Variants in RNF180 observed in about 807,000 individuals in gnomAD.
The protein encoded by RNF180 is ring finger protein 180.
Under a neutral mutation model 59.2 loss-of-function variants are expected in RNF180, and 38 were observed. The ratio of observed to expected loss-of-function variants is 0.64; its 90% CI spans 0.50 to 0.84. The LOEUF (loss-of-function observed/expected upper bound fraction) is 0.84. Ranked by LOEUF, RNF180 falls within the 40% of genes least tolerant of loss-of-function variation. The probability of loss-of-function intolerance (pLI) is 0.00; values close to 1 mark genes in which losing one functional copy is unlikely to be tolerated. For synonymous variants in RNF180, 262 were observed against 240.3 expected, an observed-to-expected ratio of 1.09 and a Z score of -0.84; for missense variants, 705 against 700.9, an observed-to-expected ratio of 1.01 and a Z score of -0.07.
chr5:64,215,594 T>A (rs1752578483), intron 4 of RNF180, among the ~76,000 whole-genome samples: 3 of 152,148 alleles, frequency 2.0e-5, no homozygotes, highest in African/African-American at 7.2e-5. Context: ...TCAAAGTATA[T>A]ATTACAGAAT....
intron 5 of RNF180, among the ~76,000 whole-genome samples, chr5:64,295,897 A>G (rs1742860734): frequency 6.6e-6 from 1 of 152,158 alleles, no homozygotes; most frequent in Non-Finnish European, 1.5e-5. Flanking sequence ...TAAACATAAT[A>G]TTCATGATTC....
intron 2 of RNF180, 40 bp downstream of exon 2, chr5:64,200,982 G>T (rs758589883): frequency 1.3e-6 from 2 of 1,577,752 alleles, no homozygotes; most frequent in African/African-American, 2.7e-5. Context: ...TCCTGGTAGA[G>T]GAGTGCTGTG....
At chr5:64,364,025 C>T (rs1019098467) in intron 7 of RNF180, among the ~76,000 whole-genome samples, 3 of 151,808 alleles carry the variant, frequency 2.0e-5, no homozygotes, top group Non-Finnish European at 4.4e-5. Context: ...ATCATGTTGT[C>T]TGCAAACAGG....
At chr5:64,168,074 T>G (rs906592091) in intron 1 of RNF180, among the ~76,000 whole-genome samples, 7 of 152,194 alleles carry the variant, frequency 4.6e-5, no homozygotes, top group African/African-American at 1.7e-4. Context: ...CTTATTCCAG[T>G]AGTGCTGCTG....
chr5:64,350,940 G>C (rs1405403235), intron 7 of RNF180, among the ~76,000 whole-genome samples: 2 of 152,040 alleles, frequency 1.3e-5, no homozygotes, highest in Non-Finnish European at 2.9e-5. Context: ...TTCCAATTCT[G>C]TGAAGAAAGT....
intron 7 of RNF180, among the ~76,000 whole-genome samples, chr5:64,354,359 A>G (rs896578802): frequency 6.6e-6 from 1 of 151,878 alleles, no homozygotes; most frequent in Non-Finnish European, 1.5e-5. Context: ...AAGTAAATGC[A>G]CAAATTTATA....
intron 1 of RNF180, among the ~76,000 whole-genome samples, chr5:64,189,462 A>G (rs963596593): frequency 6.6e-6 from 1 of 152,176 alleles, no homozygotes; most frequent in Admixed American, 6.5e-5. Flanking sequence ...AGTCCTTGTT[A>G]TAAAGTGGCA....
At chr5:64,318,317 C>T (rs1378792175) in intron 5 of RNF180, among the ~76,000 whole-genome samples, 1 of 152,096 alleles carries the variant, frequency 6.6e-6, no homozygotes, top group African/African-American at 2.4e-5. Flanking sequence ...ATAACTGAGA[C>T]ATGTATGAAA....
intron 1 of RNF180, among the ~76,000 whole-genome samples, chr5:64,176,567 G>A (rs1018035691): frequency 3.9e-5 from 6 of 151,926 alleles, no homozygotes; most frequent in Non-Finnish European, 7.4e-5. Context: ...GAGAAATGAC[G>A]GCTGAGTTTC....
chr5:64,184,016 C>G (rs1036231691), intron 1 of RNF180, among the ~76,000 whole-genome samples: 4 of 152,136 alleles, frequency 2.6e-5, no homozygotes, highest in Non-Finnish European at 5.9e-5. Flanking sequence ...AGTGTGGGCC[C>G]TAATCCAATC....
chr5:64,294,326 G>A (rs1742772139), intron 5 of RNF180, among the ~76,000 whole-genome samples: 2 of 152,114 alleles, frequency 1.3e-5, no homozygotes, highest in Admixed American at 6.6e-5. Flanking sequence ...TTAAATGCAT[G>A]TATCAAAACA....
intron 1 of RNF180, among the ~76,000 whole-genome samples, chr5:64,196,253 CT>C (rs1751453161): frequency 1.3e-5 from 2 of 151,634 alleles, no homozygotes; most frequent in Non-Finnish European, 2.9e-5. Flanking sequence ...CTAGCATTAG[CT>C]AGGAGTCCTG....
At chr5:64,191,405 C>A (rs559985001) in intron 1 of RNF180, among the ~76,000 whole-genome samples, 7 of 152,136 alleles carry the variant, frequency 4.6e-5, no homozygotes, top group Non-Finnish European at 8.8e-5. Context: ...CAATATCATA[C>A]AGTATTGTTT....
chr5:64,317,408 C>G (rs1170674643), intron 5 of RNF180, among the ~76,000 whole-genome samples: 1 of 151,918 alleles, frequency 6.6e-6, no homozygotes, highest in Non-Finnish European at 1.5e-5. Context: ...TGAGCACATG[C>G]TATTAGGAGA....
At chr5:64,360,304 A>T (rs1746199441) in intron 7 of RNF180, among the ~76,000 whole-genome samples, 1 of 151,794 alleles carries the variant, frequency 6.6e-6, no homozygotes, top group African/African-American at 2.4e-5. Context: ...ACAGAGCCAA[A>T]GACAAAAACC....
chr5:64,213,450 T>C, intron 3 of RNF180, 108 bp from the exon 4 acceptor site: 2 of 934,208 alleles, frequency 2.1e-6, no homozygotes, highest in Admixed American at 4.6e-5. Flanking sequence ...AGCTAGCCTT[T>C]TCTGTGGCAT....
At chr5:64,216,437 C>T (rs1752632414) in intron 4 of RNF180, among the ~76,000 whole-genome samples, 1 of 152,078 alleles carries the variant, frequency 6.6e-6, no homozygotes, top group African/African-American at 2.4e-5. Context: ...GACTTCAGTA[C>T]AGATCAATCT....
At chr5:64,351,435 C>A (rs1327910487) in intron 7 of RNF180, among the ~76,000 whole-genome samples, 10 of 151,758 alleles carry the variant, frequency 6.6e-5, no homozygotes, top group Non-Finnish European at 1.0e-4. Flanking sequence ...AACTTCCAAC[C>A]CTATGTTGAA....
At chr5:64,331,731 A>G (rs1744915889) in intron 7 of RNF180, among the ~76,000 whole-genome samples, 1 of 152,166 alleles carries the variant, frequency 6.6e-6, no homozygotes, top group Non-Finnish European at 1.5e-5. Context: ...CTGTAACACA[A>G]TAAGGGCTGA....
Sources: allele counts gnomAD v4.1 joint callset (sites outside exome capture counted in the v4.1 genomes callset), GRCh38; gene constraint gnomAD v4.1.1; transcripts MANE v1.5; gene names NCBI Gene and HGNC (gene_info 2026-07-23, HGNC 2026-07-21).